Variants in PLCL2 observed in about 807,000 individuals in gnomAD.
PLCL2 encodes inactive phospholipase C-like protein 2.
Under a neutral mutation model 79.6 loss-of-function variants are expected in PLCL2, and 4 were observed. The ratio of observed to expected loss-of-function variants is 0.05; its 90% confidence interval spans 0.02 to 0.11. The LOEUF is 0.11. Among genes scored for constraint, PLCL2 ranks in the 10% least tolerant of loss-of-function variants. The pLI, the probability that PLCL2 is intolerant of heterozygous loss-of-function variation, is 1.00. For missense variants in PLCL2, 895 were observed against 1,291.0 expected (o/e 0.69, Z 4.70); for synonymous variants, 484 against 457.7 (o/e 1.06, Z -0.73).
intron 5 of PLCL2, among the ~76,000 whole-genome samples, chr3:17,078,133 C>T (rs2065125955): frequency 6.6e-6 from 1 of 152,174 alleles, no homozygotes; most frequent in Admixed American, 6.5e-5. Flanking sequence ...ATTAAGTGTC[C>T]TTGGATCAGG....
At position 17,010,836 on chromosome 3, in the gene PLCL2, G is replaced by A. The variant is rs747064319; in HGVS notation, c.1490G>A (p.Arg497His). The A allele has an allele frequency of 2.0e-5, 33 of 1,613,944 alleles. No homozygotes were observed. Among genetic ancestry groups the A allele is most frequent in the African/African-American group, 8.0e-5 (6 of 74,916 alleles). ...GHTMTSQIVF[R>H]SVIDIINKYA... Reference sequence around the variant, plus strand: ...ACCATGACCTCTCAGATAGTTTTCCGCAGTGTCATTGATATTATTAACAAG... The same window carrying A: ...ACCATGACCTCTCAGATAGTTTTCCACAGTGTCATTGATATTATTAACAAG... Residue 497 changes from arginine (R) to histidine (H), a missense_variant, in exon 2 of 6, where the codon CGC becomes CAC. Coordinates refer to ENST00000615277, the MANE Select transcript of PLCL2 (RefSeq NM_001144382.2). This position sits in a 1 kb window ranked among gnomAD's most constrained non-coding sequence, Gnocchi z 5.8.
chr3:17,040,352 ATTAT>A (rs2064707164), intron 3 of PLCL2, among the ~76,000 whole-genome samples: 1 of 152,184 alleles, frequency 6.6e-6, no homozygotes, highest in Non-Finnish European at 1.5e-5. Context: ...AAGGTGCATA[ATTAT>A]TTATCCTTTG....
In PLCL2 at chr3:16,931,875, A is replaced by T. The variant is rs1323155609; in HGVS notation, c.327+46509A>T. On this transcript the variant is annotated intron_variant, in intron 1 of 5. Transcript: ENST00000615277. ...ATCCCTGCAAAATTCATACATTGAG[A>T]TACAATCCCCAGTGTGATGATTTGA... Among the ~76,000 whole-genome samples the T allele has an allele frequency of 3.3e-5, 5 of 152,192 alleles. No individual in the cohort carries two copies. The East Asian group carries it at 9.6e-4, about 29-fold the overall frequency.
chr3:16,898,558 T>C (rs2124918686), intron 1 of PLCL2, among the ~76,000 whole-genome samples: 1 of 152,332 alleles, frequency 6.6e-6, no homozygotes, highest in Middle Eastern at 3.4e-3. Flanking sequence ...CATAGCCACA[T>C]AGCAAGCGTT....
chr3:16,906,001 T>A (rs28495074), intron 1 of PLCL2, among the ~76,000 whole-genome samples: 47 of 152,302 alleles, frequency 3.1e-4, no homozygotes, highest in African/African-American at 1.1e-3. Flanking sequence ...GGGAGGACTT[T>A]ATATGCAGCA....
intron 1 of PLCL2, among the ~76,000 whole-genome samples, chr3:16,963,419 G>C (rs2063774640): frequency 6.6e-6 from 1 of 152,064 alleles, no homozygotes; most frequent in African/African-American, 2.4e-5. Context: ...CTTATCATGA[G>C]AGAAAATGTA....
intron 1 of PLCL2, among the ~76,000 whole-genome samples, chr3:16,976,039 C>G (rs997017763): frequency 1.3e-5 from 2 of 152,014 alleles, no homozygotes; most frequent in African/African-American, 4.8e-5. Context: ...CCTTGCCCAT[C>G]CAGGTGGTTG....
chr3:17,087,202 A>C (rs1411521561), intron 5 of PLCL2, among the ~76,000 whole-genome samples: 1 of 152,238 alleles, frequency 6.6e-6, no homozygotes. Flanking sequence ...AAAAATCTGC[A>C]TACAGATGCT....
chr3:16,991,491 T>C (rs747884659), intron 1 of PLCL2, among the ~76,000 whole-genome samples: 8 of 152,226 alleles, frequency 5.3e-5, no homozygotes, highest in Non-Finnish European at 8.8e-5. Flanking sequence ...TACTTTATTC[T>C]CTTCATTCTT....
chr3:16,957,206 C>G (rs993828513), intron 1 of PLCL2, among the ~76,000 whole-genome samples: 1 of 152,018 alleles, frequency 6.6e-6, no homozygotes, highest in African/African-American at 2.4e-5. Context: ...TTGAATGTGT[C>G]CCAGAGATTC....
chr3:16,935,088 A>G (rs1553636293), intron 1 of PLCL2, among the ~76,000 whole-genome samples: 1 of 152,204 alleles, frequency 6.6e-6, no homozygotes. Flanking sequence ...ATCGCTTTGA[A>G]TTGACACCAA....
intron 1 of PLCL2, chr3:16,933,157 T>G (rs1413669068): frequency 6.5e-6 from 1 of 154,716 alleles, no homozygotes; most frequent in Non-Finnish European, 1.5e-5. Context: ...GAAATTTGAG[T>G]GAAGGACTGC....
chr3:16,991,200 G>A (rs989117542), intron 1 of PLCL2, among the ~76,000 whole-genome samples: 1 of 152,208 alleles, frequency 6.6e-6, no homozygotes, highest in Admixed American at 6.5e-5. Context: ...ACCGAACAGA[G>A]CAGGGGAGGA....
intron 1 of PLCL2, among the ~76,000 whole-genome samples, chr3:16,936,799 A>G (rs2124947007): frequency 6.6e-6 from 1 of 152,250 alleles, no homozygotes; most frequent in Non-Finnish European, 1.5e-5. Flanking sequence ...GGCATATCAG[A>G]GATCAGGAAA....
intron 1 of PLCL2, among the ~76,000 whole-genome samples, chr3:16,917,122 A>G (rs934631931): frequency 3.9e-5 from 6 of 152,170 alleles, no homozygotes; most frequent in African/African-American, 1.4e-4. Context: ...CCGGATGTAC[A>G]TAGGACACGG....
intron 3 of PLCL2, among the ~76,000 whole-genome samples, chr3:17,024,131 C>G (rs1260692980): frequency 6.6e-6 from 1 of 152,134 alleles, no homozygotes; most frequent in Non-Finnish European, 1.5e-5. Flanking sequence ...ACTAAGCCAG[C>G]TGGAAGGATT....
At chr3:17,018,900 G>A (rs1365089449) in intron 3 of PLCL2, among the ~76,000 whole-genome samples, 2 of 152,066 alleles carry the variant, frequency 1.3e-5, no homozygotes, top group Non-Finnish European at 2.9e-5. Context: ...GACTATTGTA[G>A]GCAACATGAG....
At chr3:17,008,586 A>G (rs1253165582) in intron 1 of PLCL2, among the ~76,000 whole-genome samples, 1 of 151,980 alleles carries the variant, frequency 6.6e-6, no homozygotes, top group Non-Finnish European at 1.5e-5. Context: ...GGTAACCCAG[A>G]TGATTCTGAG....
In PLCL2 at chr3:16,887,826, A is replaced by G. The variant is rs1336466580; in HGVS notation, c.327+2460A>G. On this transcript the variant is annotated intron_variant, in intron 1 of 5. Coordinates refer to ENST00000615277, the MANE Select transcript of PLCL2 (RefSeq NM_001144382.2). The surrounding 1 kb of genome is among the most constrained non-coding windows in gnomAD (Gnocchi z 4.1). ...AAAAAAAAGAATAAAAAGCTAAAGCAGAAGCCCATGTGAAAAAGCAATAGT... is the reference window on the plus strand; with the variant it reads ...AAAAAAAAGAATAAAAAGCTAAAGCGGAAGCCCATGTGAAAAAGCAATAGT... 6.6e-6 allele frequency among the ~76,000 whole-genome samples: 1 copy of G among 152,210 alleles called. No individual in the cohort carries two copies. Among genetic ancestry groups the G allele is most frequent in the Non-Finnish European group, 1.5e-5 (1 of 68,032 alleles).
Sources: allele counts gnomAD v4.1 joint callset (sites outside exome capture counted in the v4.1 genomes callset), GRCh38; gene constraint gnomAD v4.1.1; non-coding constraint Gnocchi (gnomAD v3.1); transcripts MANE v1.5; gene names NCBI Gene and HGNC (gene_info 2026-07-23, HGNC 2026-07-21).